Variants in PKNOX2 observed in about 807,000 individuals in gnomAD.
The protein encoded by PKNOX2 is homeobox protein PKNOX2.
A neutral mutation model predicts 53.1 loss-of-function variants in PKNOX2; 14 were observed. That is an observed-to-expected ratio of 0.26 (90% CI 0.17 to 0.41). PKNOX2 has a LOEUF of 0.41. Ranked by LOEUF, PKNOX2 falls within the 10% of genes least tolerant of loss-of-function variation. The pLI, the probability that PKNOX2 is intolerant of heterozygous loss-of-function variation, is 1.00. For synonymous variants in PKNOX2, 257 were observed against 242.8 expected (o/e 1.06, Z -0.54); for missense variants, 496 against 602.8 (o/e 0.82, Z 1.85).
rs538608600 is a variant in PKNOX2, at chr11:125,397,979, A to C, written c.505A>C (p.Lys169Gln). 6.2e-7 allele frequency: 1 copy of C among 1,614,156 alleles called. No individual in the cohort carries two copies. The highest frequency in any genetic ancestry group is 1.3e-5 in the African/African-American group (1 of 75,044). Residue 169 changes from lysine to glutamine, a missense_variant, in exon 7 of 13, where the codon AAG becomes CAG. Physicochemically the swap from Lys to Gln is moderately conservative, Grantham distance 53. Transcript: ENST00000298282. ...CNRYITCLKT[K>Q]MHSDNLLRND... ...CCGTTACATCACCTGCCTCAAAACC[A>C]AGATGCACAGCGACAACCTGCTCAG...
intron 4 of PKNOX2, among the ~76,000 whole-genome samples, chr11:125,361,535 CT>C (rs928870023): frequency 2.0e-5 from 3 of 152,052 alleles, no homozygotes; most frequent in South Asian, 2.1e-4. Context: ...CAACCATCTT[CT>C]TTTTTTTATT....
chr11:125,255,440 C>T (rs1021991746), intron 2 of PKNOX2, among the ~76,000 whole-genome samples: 8 of 152,120 alleles, frequency 5.3e-5, no homozygotes, highest in African/African-American at 1.9e-4. Flanking sequence ...GTCCTGAGGC[C>T]CTTGACCCTG....
intron 9 of PKNOX2, chr11:125,411,367 G>A (rs1009804293): frequency 8.0e-6 from 3 of 373,488 alleles, no homozygotes; most frequent in Non-Finnish European, 1.5e-5. Flanking sequence ...TTTGCAAACT[G>A]TAAAGTACCA....
In PKNOX2 at chr11:125,337,377, C is replaced by T. The variant is rs550105835; in HGVS notation, c.-23+5452C>T. Among the ~76,000 whole-genome samples the T allele has an allele frequency of 5.3e-5, 8 of 152,318 alleles. No individual in the cohort carries two copies. In the East Asian group the frequency reaches 7.7e-4, roughly 15 times the overall value. On this transcript the variant is annotated intron_variant, in intron 3 of 12. Coordinates refer to ENST00000298282, the MANE Select transcript of PKNOX2 (RefSeq NM_001382323.2). ...AACCTCTAGTTATTTTTTATATCAA[C>T]GAGTGGGAAATAAACTCCAAGTTCT...
intron 5 of PKNOX2, among the ~76,000 whole-genome samples, 172 bp from the exon 6 acceptor site, chr11:125,385,379 A>T (rs1565512660): frequency 1.3e-5 from 2 of 152,196 alleles, no homozygotes. Flanking sequence ...CTCCTTGCCA[A>T]GGCACAAAGT....
intron 2 of PKNOX2, among the ~76,000 whole-genome samples, chr11:125,294,847 C>G (rs1056844180): frequency 3.3e-5 from 5 of 152,336 alleles, no homozygotes; most frequent in Admixed American, 3.3e-4. Flanking sequence ...TGCTAGATCC[C>G]TTCACCACCT....
chr11:125,279,106 C>T (rs1485450462), intron 2 of PKNOX2, among the ~76,000 whole-genome samples: 1 of 152,230 alleles, frequency 6.6e-6, no homozygotes, highest in Non-Finnish European at 1.5e-5. Context: ...GATTCCGTCC[C>T]TGTCATCCCT....
At chr11:125,201,108 C>T (rs192181084) in intron 1 of PKNOX2, among the ~76,000 whole-genome samples, 9 of 152,320 alleles carry the variant, frequency 5.9e-5, no homozygotes, top group Admixed American at 1.3e-4. Flanking sequence ...TCACTGGTCT[C>T]CCAGGACCTT....
intron 2 of PKNOX2, among the ~76,000 whole-genome samples, chr11:125,308,170 G>A (rs185393192): frequency 2.0e-5 from 3 of 152,330 alleles, no homozygotes; most frequent in Admixed American, 2.0e-4. Flanking sequence ...TCCTTAGAAT[G>A]TGCCCTATTA....
At chr11:125,254,436 G>A (rs574752832) in intron 2 of PKNOX2, among the ~76,000 whole-genome samples, 20 of 152,238 alleles carry the variant, frequency 1.3e-4, no homozygotes, top group Non-Finnish European at 2.4e-4. Flanking sequence ...AAAGAAAAGG[G>A]AATGCAGTCC....
chr11:125,296,220 T>G (rs186983661), intron 2 of PKNOX2, among the ~76,000 whole-genome samples: 4 of 152,302 alleles, frequency 2.6e-5, no homozygotes, highest in Non-Finnish European at 5.9e-5. Flanking sequence ...CAGTTTCCAT[T>G]TAAAATGAAA....
At chr11:125,269,753 G>A (rs1169276374) in intron 2 of PKNOX2, among the ~76,000 whole-genome samples, 2 of 152,228 alleles carry the variant, frequency 1.3e-5, no homozygotes, top group Non-Finnish European at 2.9e-5. Context: ...GCACTTGGTA[G>A]CATTCATCCA....
intron 3 of PKNOX2, among the ~76,000 whole-genome samples, chr11:125,347,958 C>T (rs997747188): frequency 2.6e-5 from 4 of 152,198 alleles, no homozygotes; most frequent in African/African-American, 9.7e-5. Flanking sequence ...TGACAGAGCA[C>T]TGGGGCCTCT....
At chr11:125,192,045 G>C (rs1956907799) in intron 1 of PKNOX2, among the ~76,000 whole-genome samples, 1 of 152,072 alleles carries the variant, frequency 6.6e-6, no homozygotes, top group African/African-American at 2.4e-5. Flanking sequence ...GCAGAGAGAG[G>C]GATTATTGTG....
intron 2 of PKNOX2, among the ~76,000 whole-genome samples, chr11:125,286,558 C>G (rs747121511): frequency 6.6e-6 from 1 of 152,228 alleles, no homozygotes; most frequent in African/African-American, 2.4e-5. Flanking sequence ...GCCACCCCTT[C>G]GCCACCCACT....
At chr11:125,202,397 G>A (rs544516690) in intron 1 of PKNOX2, among the ~76,000 whole-genome samples, 16 of 152,296 alleles carry the variant, frequency 1.1e-4, no homozygotes, top group African/African-American at 3.6e-4. Context: ...GTGACCACTG[G>A]CTTCTAGAGC....
At chr11:125,425,695 T>C (rs1393750337) in intron 10 of PKNOX2, among the ~76,000 whole-genome samples, 1 of 152,240 alleles carries the variant, frequency 6.6e-6, no homozygotes, top group Non-Finnish European at 1.5e-5. Flanking sequence ...GCCTGGCCAG[T>C]TGTGCTAAAA....
chr11:125,425,343 G>C (rs11220065), intron 10 of PKNOX2, among the ~76,000 whole-genome samples: 55,989 of 152,180 alleles, frequency 0.37, 10,534 homozygotes, highest in South Asian at 0.49. Flanking sequence ...CTGTCCCTGA[G>C]AAGGCTCTGT....
intron 7 of PKNOX2, among the ~76,000 whole-genome samples, chr11:125,400,806 C>A (rs1396124649): frequency 1.3e-5 from 2 of 152,160 alleles, no homozygotes; most frequent in African/African-American, 4.8e-5. Flanking sequence ...ATTATAGATC[C>A]CTGTGTTCAT....
Sources: allele counts gnomAD v4.1 joint callset (sites outside exome capture counted in the v4.1 genomes callset), GRCh38; gene constraint gnomAD v4.1.1; transcripts MANE v1.5; gene names NCBI Gene and HGNC (gene_info 2026-07-23, HGNC 2026-07-21).